Variants in IKZF2 observed in about 807,000 individuals in gnomAD.
IKZF2 encodes zinc finger protein Helios.
In IKZF2, 15 loss-of-function variants were observed where a neutral mutation model predicts 49.2. The ratio of observed to expected loss-of-function variants is 0.30; its 90% confidence interval spans 0.20 to 0.47. The LOEUF is 0.47. IKZF2 is among the 20% of genes least tolerant of loss of function. The pLI is 1.00. For synonymous variants in IKZF2, 227 were observed against 221.4 expected (o/e 1.03, Z -0.23); for missense variants, 567 against 664.6 (o/e 0.85, Z 1.61).
chr2:213,099,759 C>T (rs1011730402), intron 4 of IKZF2, among the ~76,000 whole-genome samples: 1 of 152,124 alleles, frequency 6.6e-6, no homozygotes, highest in African/African-American at 2.4e-5. Context: ...ACCATCAGCA[C>T]ATTTTTAACC....
chr2:213,149,062 C>T (rs973632557), intron 2 of IKZF2, among the ~76,000 whole-genome samples: 13 of 152,142 alleles, frequency 8.5e-5, no homozygotes, highest in Non-Finnish European at 1.5e-5. Flanking sequence ...ACAATTGTTG[C>T]AAGTTGGTTC....
chr2:213,080,669 T>C (rs1703846511), intron 4 of IKZF2, among the ~76,000 whole-genome samples: 1 of 152,180 alleles, frequency 6.6e-6, no homozygotes, highest in Admixed American at 6.5e-5. Context: ...TTTTCATGTA[T>C]CTAGTGAATA....
intron 4 of IKZF2, among the ~76,000 whole-genome samples, chr2:213,126,963 T>C (rs1489623041): frequency 1.3e-5 from 2 of 152,186 alleles, no homozygotes; most frequent in African/African-American, 4.8e-5. Flanking sequence ...TCACAGCCCA[T>C]ACAGCATTCT....
chr2:213,079,336 G>A (rs900641887), intron 4 of IKZF2, among the ~76,000 whole-genome samples: 7 of 151,574 alleles, frequency 4.6e-5, no homozygotes, highest in African/African-American at 1.7e-4. Context: ...CCATGATTGT[G>A]CCACTGTACT....
chr2:213,091,966 TTTTG>T (rs948988530), intron 4 of IKZF2, among the ~76,000 whole-genome samples: 24 of 151,634 alleles, frequency 1.6e-4, no homozygotes, highest in Non-Finnish European at 2.9e-4. Context: ...ACTTATTATT[TTTTG>T]TTTATTATAT....
chr2:213,056,591 C>T, intron 5 of IKZF2: 1 of 615,462 alleles, frequency 1.6e-6, no homozygotes, highest in Non-Finnish European at 2.9e-6. Flanking sequence ...CATATTATTG[C>T]TATATTAAGA....
intron 4 of IKZF2, among the ~76,000 whole-genome samples, chr2:213,119,530 G>C (rs920174622): frequency 6.6e-6 from 1 of 152,178 alleles, no homozygotes; most frequent in African/African-American, 2.4e-5. Flanking sequence ...GGAAAAAAAA[G>C]AAAGGATGTA....
chr2:213,145,174 A>C (rs1350050678), intron 4 of IKZF2, among the ~76,000 whole-genome samples: 1 of 135,910 alleles, frequency 7.4e-6, no homozygotes, highest in African/African-American at 3.1e-5. Context: ...TGTTTTACTA[A>C]AAAAAAAAAA....
chr2:213,056,970 A>C lies in IKZF2; in HGVS notation c.269T>G (p.Val90Gly), dbSNP rs1193796117. The C allele has an allele frequency of 6.2e-7, 1 of 1,613,736 alleles. No individual in the cohort carries two copies. Among genetic ancestry groups the C allele is most frequent in the East Asian group, 2.2e-5 (1 of 44,848 alleles). Residue 90 changes from valine (V) to glycine (G), a missense_variant, in exon 5 of 9, where the codon GTG becomes GGG. Around this residue, in one of 5 missense-constraint regions of IKZF2, gnomAD observed 156 missense variants for 138.5 expected, o/e 1.13. Coordinates refer to ENST00000434687, the MANE Select transcript of IKZF2 (RefSeq NM_001387220.1). ...LEEPLIESSE[V>G]ADNRKVQELQ... The stretch of plus-strand genomic sequence containing the variant: ...CTCCTGGACTTTCCTGTTGTCAGCC[A>C]CCTCGCTGCTCTCAATTAGGGGTTC...
At chr2:213,133,736 T>C (rs945214339) in intron 4 of IKZF2, among the ~76,000 whole-genome samples, 1 of 110,418 alleles carries the variant, frequency 9.1e-6, no homozygotes, top group Admixed American at 9.0e-5. Flanking sequence ...ATAAATAAAA[T>C]AAATATTCAC....
intron 6 of IKZF2, among the ~76,000 whole-genome samples, chr2:213,029,102 T>C (rs1698131883): frequency 6.6e-6 from 1 of 152,066 alleles, no homozygotes; most frequent in Non-Finnish European, 1.5e-5. Flanking sequence ...ATCTGCATCA[T>C]GAAGAATACC....
At chr2:213,083,086 G>GA (rs1483579110) in intron 4 of IKZF2, among the ~76,000 whole-genome samples, 2 of 152,092 alleles carry the variant, frequency 1.3e-5, no homozygotes, top group African/African-American at 4.8e-5. Flanking sequence ...CCATATAGTT[G>GA]AAAAGTCTAT....
intron 4 of IKZF2, among the ~76,000 whole-genome samples, chr2:213,087,809 T>C (rs910192862): frequency 6.6e-6 from 1 of 152,218 alleles, no homozygotes. Context: ...GCTTCATCCA[T>C]GTCCCTACAA....
intron 4 of IKZF2, among the ~76,000 whole-genome samples, chr2:213,091,671 C>A (rs962573608): frequency 5.3e-5 from 8 of 152,124 alleles, no homozygotes; most frequent in African/African-American, 1.9e-4. Context: ...GATATGAGAT[C>A]AAGGCTGGAT....
intron 4 of IKZF2, among the ~76,000 whole-genome samples, chr2:213,073,087 T>C (rs565383524): frequency 1.1e-3 from 165 of 152,274 alleles, no homozygotes; most frequent in Non-Finnish European, 1.8e-3. Context: ...GTAAATATTT[T>C]ACTTAAAAAC....
At chr2:213,019,513 G>A (rs956993887) in intron 7 of IKZF2, among the ~76,000 whole-genome samples, 1 of 152,102 alleles carries the variant, frequency 6.6e-6, no homozygotes, top group South Asian at 2.1e-4. Flanking sequence ...CATTAGGCAT[G>A]TTAACAACAG....
chr2:213,087,632 T>C (rs1305491402), intron 4 of IKZF2, among the ~76,000 whole-genome samples: 1 of 152,186 alleles, frequency 6.6e-6, no homozygotes, highest in Non-Finnish European at 1.5e-5. Flanking sequence ...CTCCTAATGC[T>C]ATCCCTCTAC....
chr2:213,152,056 C>T (rs1182541922), upstream of IKZF2: 2 of 152,068 alleles, frequency 1.3e-5, no homozygotes, highest in African/African-American at 4.8e-5. Flanking sequence ...CCGACGGGGG[C>T]CAGGTAACCC....
At chr2:213,119,509 C>T (rs1016199722) in intron 4 of IKZF2, among the ~76,000 whole-genome samples, 12 of 151,992 alleles carry the variant, frequency 7.9e-5, no homozygotes, top group African/African-American at 2.9e-4. Flanking sequence ...AGACAAGAAA[C>T]ATGAGAAGGA....
Sources: allele counts gnomAD v4.1 joint callset (sites outside exome capture counted in the v4.1 genomes callset), GRCh38; gene constraint gnomAD v4.1.1; regional missense constraint gnomAD v4.1.1; transcripts MANE v1.5; gene names NCBI Gene and HGNC (gene_info 2026-07-23, HGNC 2026-07-21).